The following SMYD5 variants were observed in gnomAD, a reference collection of about 807,000 sequenced individuals.
The protein encoded by SMYD5 is SMYD family member 5, also known as protein-lysine N-trimethyltransferase SMYD5.
In SMYD5, 35 loss-of-function variants were observed where a neutral mutation model predicts 57.4. The observed-to-expected ratio is 0.61, with a 90% CI of 0.47 to 0.81. The LOEUF is 0.81. Ranked by LOEUF, SMYD5 falls within the 30% of genes least tolerant of loss-of-function variation. The pLI is 0.00. For synonymous variants in SMYD5, 198 were observed against 189.7 expected, an observed-to-expected ratio of 1.04 and a Z score of -0.36; for missense variants, 471 against 527.9, an observed-to-expected ratio of 0.89 and a Z score of 1.06.
intron 6 of SMYD5, 68 bp from the exon 7 acceptor site, chr2:73,222,686 TG>T: frequency 7.2e-7 from 1 of 1,383,194 alleles, no homozygotes; most frequent in Non-Finnish European, 1.0e-6. Flanking sequence ...CCTAGTCGCC[TG>T]GGCCCTGCCT....
chr2:73,225,709 C>T lies in SMYD5; in HGVS notation c.1106+8C>T. ...CCGCCACAAGATCCTCAGGTGCCAGCTGGGGACATGGTTGTGCAGCTGGGC... is the reference window on the plus strand; with the variant it reads ...CCGCCACAAGATCCTCAGGTGCCAGTTGGGGACATGGTTGTGCAGCTGGGC... On this transcript the variant is annotated splice_region_variant and intron_variant, in intron 12 of 12. Coordinates refer to ENST00000389501, the MANE Select transcript of SMYD5 (RefSeq NM_006062.3). 1 of 1,614,212 alleles carries T rather than the reference C, an allele frequency of 6.2e-7. No homozygotes were observed. Among genetic ancestry groups the T allele is most frequent in the Non-Finnish European group, 8.5e-7 (1 of 1,180,004 alleles).
In SMYD5 at chr2:73,226,135, C is replaced by T. The variant is rs1347823857; in HGVS notation, c.*189C>T. 18 of 759,714 alleles carry T rather than the reference C, an allele frequency of 2.4e-5. No individual in the cohort carries two copies. Among genetic ancestry groups the T allele is most frequent in the Middle Eastern group, 7.7e-4 (2 of 2,594 alleles). The allele number at this position is 759,714 out of a possible 1,614,324, so 47.1% of individuals were successfully genotyped here. A position where few individuals can be genotyped will look rare whatever the true frequency, so the allele number is the denominator to read the frequency against. On this transcript the variant is annotated 3_prime_UTR_variant, in exon 13 of 13. Transcript: ENST00000389501. ...CCCCCACCAGACCTCATGCCCTGGA[C>T]ACTGCTGCTGAGTTGGCTCAGACTC...
At chr2:73,222,864 T>C (rs1030921295) in intron 7 of SMYD5, 47 bp downstream of exon 7, 6 of 1,583,282 alleles carry the variant, frequency 3.8e-6, no homozygotes, top group Non-Finnish European at 5.2e-6. Flanking sequence ...TTACTCCAGC[T>C]CTCCAGGAGC....
chr2:73,218,986 T>C lies in SMYD5; in HGVS notation c.205+17T>C. On this transcript the variant is annotated intron_variant, in intron 2 of 12. Coordinates refer to ENST00000389501, the MANE Select transcript of SMYD5 (RefSeq NM_006062.3). ...GCTACCGAGGTGAGTACATCTCTCC[T>C]ACTCCTCATGGCCCAGTCGTCTTTG... 6.4e-7 allele frequency: 1 copy of C among 1,561,268 alleles called. No homozygotes were observed.
chr2:73,214,429 C>T, intron 1 of SMYD5, 67 bp downstream of exon 1: 1 of 1,608,246 alleles, frequency 6.2e-7, no homozygotes, highest in South Asian at 1.1e-5. Context: ...CCCGGCCGGA[C>T]TCCATGCCCG....
In SMYD5 at chr2:73,225,522, C is replaced by G. The variant is rs371956127; in HGVS notation, c.1036-109C>G. ...CCCCTTCACTGAAGGGCAACGCAAACTTGGCTCCTAGAGATGGGGCAGTGG... is the reference window on the plus strand; with the variant it reads ...CCCCTTCACTGAAGGGCAACGCAAAGTTGGCTCCTAGAGATGGGGCAGTGG... On this transcript the variant is annotated intron_variant, in intron 11 of 12. Transcript: ENST00000389501. The G allele has an allele frequency of 2.1e-3, 2,114 of 1,026,456 alleles. 39 individuals carry two copies. The South Asian group carries it at 0.03, about 14-fold the overall frequency. 63.6% of individuals were successfully genotyped at this position (1,026,456 alleles called of 1,614,324 possible).
intron 11 of SMYD5, chr2:73,225,170 A>C (rs569770956): frequency 1.8e-6 from 1 of 542,818 alleles, no homozygotes; most frequent in Admixed American, 3.5e-5. Context: ...GCCTCAGGAC[A>C]GTGTTTGAGG....
chr2:73,223,709 A>G (rs1012017892), intron 9 of SMYD5, among the ~76,000 whole-genome samples, 177 bp downstream of exon 9: 1 of 152,140 alleles, frequency 6.6e-6, no homozygotes, highest in Non-Finnish European at 1.5e-5. Flanking sequence ...CAGCCCCAAG[A>G]TGTATCCAGA....
chr2:73,214,725 C>T (rs1428218194), intron 1 of SMYD5: 2 of 1,344,178 alleles, frequency 1.5e-6, no homozygotes, highest in Non-Finnish European at 9.8e-7. Flanking sequence ...AGGGAGTCCT[C>T]ACGAACTTCA....
At chr2:73,217,912 G>GT (rs1686318718) in intron 1 of SMYD5, among the ~76,000 whole-genome samples, 1 of 152,156 alleles carries the variant, frequency 6.6e-6, no homozygotes, top group Admixed American at 6.5e-5. Flanking sequence ...CAGTTCAGAG[G>GT]TTTTTTTCTC....
At chr2:73,224,337 G>A (rs139603390) in intron 10 of SMYD5, among the ~76,000 whole-genome samples, 55 of 152,312 alleles carry the variant, frequency 3.6e-4, no homozygotes, top group African/African-American at 1.2e-3. Context: ...AGATTTGGGA[G>A]TACTGGGAGC....
At position 73,219,646 on chromosome 2, in the gene SMYD5, T is replaced by C. The variant is rs112684567; in HGVS notation, c.206-405T>C. ...CTCCACTTGCCTTGGCCTCCCAAAG[T>C]GCTGGGATTACAGGCTTGAGCCACC... On this transcript the variant is annotated intron_variant, in intron 2 of 12. Coordinates refer to ENST00000389501, the MANE Select transcript of SMYD5 (RefSeq NM_006062.3). 6.5e-3 allele frequency among the ~76,000 whole-genome samples: 982 copies of C among 152,234 alleles called. 13 individuals carry two copies. The highest frequency in any genetic ancestry group is 0.022 in the African/African-American group (909 of 41,530).
rs1171148923 is a variant in SMYD5, at chr2:73,226,290, C to T, written c.*344C>T. ...CTCGGCCCCACGGCCCATACTCACCCCTTCACCTGAGGCTTCTCCCCTCTC... is the reference window on the plus strand; with the variant it reads ...CTCGGCCCCACGGCCCATACTCACCTCTTCACCTGAGGCTTCTCCCCTCTC... On this transcript the variant is annotated 3_prime_UTR_variant, in exon 13 of 13. Transcript: ENST00000389501. 2 of 275,628 alleles carry T rather than the reference C, an allele frequency of 7.3e-6. No homozygotes were observed. Among genetic ancestry groups the T allele is most frequent in the Admixed American group, 9.5e-5 (2 of 21,122 alleles). The allele number at this position is 275,628 out of a possible 1,614,324, so 17.1% of individuals were successfully genotyped here.
chr2:73,215,058 A>G (rs930823047), intron 1 of SMYD5, among the ~76,000 whole-genome samples: 5 of 152,216 alleles, frequency 3.3e-5, no homozygotes, highest in African/African-American at 1.2e-4. Context: ...CTATTTCTAC[A>G]TATTAAGTTT....
rs1686400317 is a variant in SMYD5 at position 73,221,743 on chromosome 2, G to C, written c.538-83G>C. On this transcript the variant is annotated intron_variant, in intron 5 of 12. Coordinates refer to ENST00000389501, the MANE Select transcript of SMYD5 (RefSeq NM_006062.3). ...AGAGGAAGGGCCCCTATAAGTTCCT[G>C]TGTAGTGGTATTTCCCAAGTGGGCG... 5 of 918,058 alleles carry C rather than the reference G, an allele frequency of 5.4e-6. No individual in the cohort carries two copies. In the East Asian group the frequency reaches 1.2e-4, roughly 22 times the overall value. 56.9% of individuals were successfully genotyped at this position (918,058 alleles called of 1,614,324 possible).
intron 12 of SMYD5, 40 bp from the exon 13 acceptor site, chr2:73,225,756 C>A: frequency 6.2e-7 from 1 of 1,613,764 alleles, no homozygotes; most frequent in Non-Finnish European, 8.5e-7. Context: ...CTACCCATAG[C>A]TCCCTGACTT....
At chr2:73,222,568 T>G (rs921973169) in intron 6 of SMYD5, among the ~76,000 whole-genome samples, 187 bp from the exon 7 acceptor site, 3 of 152,212 alleles carry the variant, frequency 2.0e-5, no homozygotes, top group Non-Finnish European at 2.9e-5. Flanking sequence ...CACCCCGGGT[T>G]GGAACAGGCC....
chr2:73,217,111 C>A (rs1288285669), intron 1 of SMYD5, among the ~76,000 whole-genome samples: 5 of 152,072 alleles, frequency 3.3e-5, no homozygotes, highest in Non-Finnish European at 5.9e-5. Context: ...ACCACCATGT[C>A]CAGCTAATTT....
At chr2:73,214,588 G>A (rs1201690906) in intron 1 of SMYD5, 2 of 1,502,462 alleles carry the variant, frequency 1.3e-6, no homozygotes, top group South Asian at 2.6e-5. Flanking sequence ...TTTCCTCCCA[G>A]CGGAATTCGG....
Sources: allele counts gnomAD v4.1 joint callset (sites outside exome capture counted in the v4.1 genomes callset), GRCh38; gene constraint gnomAD v4.1.1; transcripts MANE v1.5; gene names NCBI Gene and HGNC (gene_info 2026-07-23, HGNC 2026-07-21).